The following LRRFIP1 variants were observed in gnomAD, a reference collection of about 807,000 sequenced individuals.
The protein encoded by LRRFIP1 is LRR binding FLII interacting protein 1, also known as leucine-rich repeat flightless-interacting protein 1.
A neutral mutation model predicts 104.4 loss-of-function variants in LRRFIP1; 62 were observed. That is an observed-to-expected ratio of 0.59 (90% CI 0.48 to 0.73). The LOEUF (loss-of-function observed/expected upper bound fraction) is 0.73. Among genes scored for constraint, LRRFIP1 ranks in the 30% least tolerant of loss-of-function variants. The pLI is 0.00. For missense variants in LRRFIP1, 796 were observed against 824.5 expected (o/e 0.97, Z 0.42); for synonymous variants, 300 against 299.0 (o/e 1.00, Z -0.03).
At chr2:237,632,360 T>C (rs1352864041) in intron 1 of LRRFIP1, among the ~76,000 whole-genome samples, 1 of 152,202 alleles carries the variant, frequency 6.6e-6, no homozygotes, top group East Asian at 1.9e-4. Flanking sequence ...TCCGGAGCTC[T>C]CTGCGGGCCA....
In LRRFIP1 at chr2:237,751,204, T is replaced by G. The variant is rs760084755; in HGVS notation, c.800T>G (p.Leu267Arg). Residue 267 changes from leucine (L) to arginine (R), a missense_variant, in exon 14 of 24, where the codon CTC (leucine) becomes CGC (arginine). Physicochemically the swap from Leu to Arg is moderately radical, Grantham distance 102. Transcript: ENST00000308482. The stretch of plus-strand genomic sequence containing the variant: ...CTTTTTTGCCATTTCCCCCAGGAAC[T>G]CAATGAGTTAAAGGACCAGATTCAG... ...TEASIREIKE[L>R]NELKDQIQDV... is the part of the protein sequence containing the mutation. 17 of 1,606,322 alleles carry G rather than the reference T, an allele frequency of 1.1e-5. No individual in the cohort carries two copies.
At chr2:237,708,323 A>G (rs1425277896) in intron 1 of LRRFIP1, among the ~76,000 whole-genome samples, 5 of 152,254 alleles carry the variant, frequency 3.3e-5, no homozygotes, top group Non-Finnish European at 7.3e-5. Context: ...AGCTCTTAGA[A>G]TATTCCTGCC....
At chr2:237,720,887 T>TC (rs1321333214) in intron 6 of LRRFIP1, 65 bp downstream of exon 6, 21 of 1,388,774 alleles carry the variant, frequency 1.5e-5, no homozygotes, top group African/African-American at 5.7e-5. Context: ...TACTTTCTCA[T>TC]CCCCGCATTC....
intron 1 of LRRFIP1, among the ~76,000 whole-genome samples, chr2:237,643,814 A>G (rs138445521): frequency 9.3e-4 from 141 of 152,370 alleles, no homozygotes; most frequent in Non-Finnish European, 1.8e-3. Context: ...ATTGTTTTCA[A>G]ACTAGAACAA....
intron 20 of LRRFIP1, chr2:237,771,860 A>G (rs145115974): frequency 3.9e-4 from 208 of 528,878 alleles, no homozygotes; most frequent in Non-Finnish European, 6.3e-4. Flanking sequence ...CCTGAGTCCT[A>G]GAAGAATTTC....
At position 237,779,639 on chromosome 2, in the gene LRRFIP1, C is replaced by T. The variant is rs1392011695; in HGVS notation, c.*107C>T. 1.1e-5 allele frequency: 11 copies of T among 1,015,926 alleles called. No homozygotes were observed. The highest frequency in any genetic ancestry group is 8.6e-5 in the Admixed American group (4 of 46,310). The allele number at this position is 1,015,926 out of a possible 1,614,324, so 62.9% of individuals were successfully genotyped here. ...GCTTCTTCCCCTGCCTTCCGAGAGA[C>T]GAAGACCGTGGCGAGCTTGGCGCTT... On this transcript the variant is annotated 3_prime_UTR_variant, in exon 24 of 24. Coordinates refer to ENST00000308482, the MANE Select transcript of LRRFIP1 (RefSeq NM_001137550.2).
At chr2:237,637,150 A>T (rs2083233767) in intron 1 of LRRFIP1, among the ~76,000 whole-genome samples, 1 of 152,254 alleles carries the variant, frequency 6.6e-6, no homozygotes, top group Admixed American at 6.5e-5. Flanking sequence ...AAACAAAAAA[A>T]TATGAGATTT....
In LRRFIP1 at chr2:237,756,119, C is replaced by A. The variant is rs182477318; in HGVS notation, c.1063C>A (p.His355Asn). ...NKEFEREKHA[H>N]SILQFQFAEV... is the part of the protein sequence containing the mutation. ...GGAATTTGAAAGGGAAAAACACGCC[C>A]ACAGTATACTGCAATTTCAGTTTGC... is the stretch of plus-strand genomic sequence containing the variant. The change falls in exon 16 of 24, where the codon CAC becomes AAC. Residue 355 changes from histidine to asparagine, a missense_variant. Coordinates refer to ENST00000308482, the MANE Select transcript of LRRFIP1 (RefSeq NM_001137550.2). The A allele has an allele frequency of 1.7e-5, 28 of 1,613,688 alleles. No individual in the cohort carries two copies. The East Asian group carries it at 5.6e-4, about 32-fold the overall frequency.
At chr2:237,630,945 G>T (rs11684709) in intron 1 of LRRFIP1, among the ~76,000 whole-genome samples, 61,308 of 151,862 alleles carry the variant, frequency 0.4, 12,774 homozygotes, top group South Asian at 0.45. Flanking sequence ...TATCTCCCTG[G>T]TAAACTTTCA....
intron 1 of LRRFIP1, among the ~76,000 whole-genome samples, chr2:237,694,327 A>G (rs542789636): frequency 6.6e-6 from 1 of 152,358 alleles, no homozygotes; most frequent in African/African-American, 2.4e-5. Context: ...GTGAACCTGT[A>G]GGAGCTTTTC....
chr2:237,735,252 T>C lies in LRRFIP1; in HGVS notation c.490-16T>C. 1 of 1,611,210 alleles carries C rather than the reference T, an allele frequency of 6.2e-7. No homozygotes were observed. The highest frequency in any genetic ancestry group is 8.5e-7 in the Non-Finnish European group (1 of 1,178,466). ...AAAGGAAGAGCGCCCATCCTGACAG[T>C]CTCTTTTGGTCGCAGGCGTCTGTGT... On this transcript the variant is annotated splice_polypyrimidine_tract_variant and intron_variant, in intron 9 of 23. Transcript: ENST00000308482. The surrounding 1 kb of genome is among the most constrained non-coding windows in gnomAD (Gnocchi z 4.6).
At chr2:237,696,282 C>T (rs2093179628) in intron 1 of LRRFIP1, among the ~76,000 whole-genome samples, 1 of 152,148 alleles carries the variant, frequency 6.6e-6, no homozygotes, top group Non-Finnish European at 1.5e-5. Context: ...CTGTATGTGG[C>T]ACGTGGCTGT....
At chr2:237,692,806 A>G (rs1199145068) in intron 1 of LRRFIP1, among the ~76,000 whole-genome samples, 1 of 152,258 alleles carries the variant, frequency 6.6e-6, no homozygotes, top group African/African-American at 2.4e-5. Flanking sequence ...GGCTGCAGAC[A>G]GGCTCTGACC....
At chr2:237,709,906 AC>A (rs1481838839) in intron 2 of LRRFIP1, among the ~76,000 whole-genome samples, 2 of 150,652 alleles carry the variant, frequency 1.3e-5, no homozygotes, top group African/African-American at 4.9e-5. Context: ...AGGCTGGAGT[AC>A]AGTGACATGA....
chr2:237,646,950 G>A (rs576900662), intron 1 of LRRFIP1, among the ~76,000 whole-genome samples: 16 of 152,042 alleles, frequency 1.1e-4, no homozygotes, highest in South Asian at 6.2e-4. Flanking sequence ...GAAAGGGGTC[G>A]CTTGCTGTAT....
At position 237,740,655 on chromosome 2, in the gene LRRFIP1, CTTTTAAAACTGTGAGG is replaced by C. The variant is rs1401295572; in HGVS notation, c.633+1350_633+1365del. 2.6e-5 allele frequency among the ~76,000 whole-genome samples: 4 copies of C among 152,108 alleles called. 1 individual carries two copies. Among genetic ancestry groups the C allele is most frequent in the Admixed American group, 2.6e-4 (4 of 15,284 alleles). ...GTTTGTGTTTTAAATTAGATGCAGT[CTTTTAAAACTGTGAGG>C]TTTCCTACCTCGCACCTGATACCTG... On this transcript the variant is annotated intron_variant, in intron 11 of 23. Transcript: ENST00000308482.
chr2:237,771,519 C>T (rs1295125605), intron 20 of LRRFIP1, among the ~76,000 whole-genome samples: 1 of 145,496 alleles, frequency 6.9e-6, no homozygotes, highest in African/African-American at 2.5e-5. Context: ...TGAGCATCCA[C>T]AGATTTGGTG....
rs1053429560 is a variant in LRRFIP1, at chr2:237,711,119, A to G, written c.183+2489A>G. Among the ~76,000 whole-genome samples, 2 of 152,206 alleles carry G rather than the reference A, an allele frequency of 1.3e-5. No homozygotes were observed. Among genetic ancestry groups the G allele is most frequent in the African/African-American group, 2.4e-5 (1 of 41,442 alleles). ...AAAAGTAGTTGCTACTCCAGATGGGAAACCAAGTCTTGGGCATTTAATTTT... is the reference window on the plus strand; with the variant it reads ...AAAAGTAGTTGCTACTCCAGATGGGGAACCAAGTCTTGGGCATTTAATTTT... On this transcript the variant is annotated intron_variant, in intron 2 of 23. Transcript: ENST00000308482. This position sits in a 1 kb window ranked among gnomAD's most constrained non-coding sequence, Gnocchi z 4.4.
chr2:237,651,767 T>C (rs752229954), intron 1 of LRRFIP1, among the ~76,000 whole-genome samples: 3 of 152,260 alleles, frequency 2.0e-5, no homozygotes, highest in African/African-American at 7.2e-5. Flanking sequence ...TTTAATAATA[T>C]ATTTTATGTA....
Sources: allele counts gnomAD v4.1 joint callset (sites outside exome capture counted in the v4.1 genomes callset), GRCh38; gene constraint gnomAD v4.1.1; non-coding constraint Gnocchi (gnomAD v3.1); transcripts MANE v1.5; gene names NCBI Gene and HGNC (gene_info 2026-07-23, HGNC 2026-07-21).